Variants in DSCAM observed in about 807,000 individuals in gnomAD.
The protein encoded by DSCAM is cell adhesion molecule DSCAM.
Under a neutral mutation model 217.7 loss-of-function variants are expected in DSCAM, and 47 were observed. The observed-to-expected ratio is 0.22, with a 90% CI of 0.17 to 0.28. The LOEUF is 0.28. Among genes scored for constraint, DSCAM ranks in the 10% least tolerant of loss-of-function variants. The pLI, the probability that DSCAM is intolerant of heterozygous loss-of-function variation, is 1.00. For missense variants in DSCAM, 2,080 were observed against 2,618.3 expected, an observed-to-expected ratio of 0.79 and a Z score of 4.49; for synonymous variants, 1,056 against 1,015.3, an observed-to-expected ratio of 1.04 and a Z score of -0.76.
At chr21:40,235,666 ACTT>A (rs1357949835) in intron 11 of DSCAM, among the ~76,000 whole-genome samples, 1 of 151,932 alleles carries the variant, frequency 6.6e-6, no homozygotes, top group African/African-American at 2.4e-5. Flanking sequence ...CTGATTCGAC[ACTT>A]CTTCAACTGT....
chr21:40,799,807 T>C (rs1569042290), intron 1 of DSCAM, among the ~76,000 whole-genome samples: 1 of 152,220 alleles, frequency 6.6e-6, no homozygotes, highest in Non-Finnish European at 1.5e-5. Context: ...TCCAAAATAA[T>C]CTTCTAATCT....
At chr21:40,491,576 G>A (rs1343663441) in intron 3 of DSCAM, among the ~76,000 whole-genome samples, 1 of 152,022 alleles carries the variant, frequency 6.6e-6, no homozygotes, top group African/African-American at 2.4e-5. Context: ...TATTCCAAGG[G>A]CTGCAATACC....
chr21:40,549,355 A>G (rs1303920726), intron 3 of DSCAM, among the ~76,000 whole-genome samples: 2 of 152,158 alleles, frequency 1.3e-5, no homozygotes, highest in Non-Finnish European at 2.9e-5. Context: ...TTCATTCTGG[A>G]AAACTCCTGC....
intron 1 of DSCAM, among the ~76,000 whole-genome samples, chr21:40,746,599 T>C (rs540483881): frequency 2.0e-5 from 3 of 152,002 alleles, no homozygotes; most frequent in African/African-American, 7.2e-5. Flanking sequence ...GGTCTGTAGA[T>C]TGACTATAAT....
intron 3 of DSCAM, among the ~76,000 whole-genome samples, chr21:40,549,277 C>T (rs1401790546): frequency 1.3e-5 from 2 of 152,148 alleles, no homozygotes; most frequent in Non-Finnish European, 2.9e-5. Flanking sequence ...TAATTTGTAA[C>T]ATAAACAAGC....
intron 1 of DSCAM, among the ~76,000 whole-genome samples, chr21:40,762,210 C>T (rs919207706): frequency 6.6e-6 from 1 of 151,842 alleles, no homozygotes; most frequent in South Asian, 2.1e-4. Context: ...AGATAGACCA[C>T]TAGATAGACT....
At position 40,789,962 on chromosome 21, in the gene DSCAM, A is replaced by G. The variant is rs140463075; in HGVS notation, c.43+56657T>C. On this transcript the variant is annotated intron_variant, in intron 1 of 32. Coordinates refer to ENST00000400454, the MANE Select transcript of DSCAM (RefSeq NM_001389.5). ...TGGGAAGCTTGACCACACAAAGTCT[A>G]TATGGCTCTGATTGGTGGCTTTGCC... Among the ~76,000 whole-genome samples the G allele has an allele frequency of 3.3e-3, 506 of 152,238 alleles. 2 individuals carry two copies. Among genetic ancestry groups the G allele is most frequent in the Middle Eastern group, 0.014 (4 of 294 alleles).
chr21:40,548,241 T>G (rs2076599700), intron 3 of DSCAM, among the ~76,000 whole-genome samples: 1 of 152,234 alleles, frequency 6.6e-6, no homozygotes, highest in South Asian at 2.1e-4. Flanking sequence ...TATTACTATT[T>G]AAAGACCAGC....
At chr21:40,185,273 C>T (rs892533210) in intron 14 of DSCAM, among the ~76,000 whole-genome samples, 1 of 152,182 alleles carries the variant, frequency 6.6e-6, no homozygotes, top group African/African-American at 2.4e-5. Flanking sequence ...GGGAGGACTC[C>T]AGGCAGAGGG....
intron 3 of DSCAM, among the ~76,000 whole-genome samples, chr21:40,658,771 A>C (rs1020216690): frequency 1.2e-4 from 19 of 152,214 alleles, no homozygotes; most frequent in African/African-American, 4.6e-4. Flanking sequence ...TTTACCTAGA[A>C]AAATGAAAAT....
chr21:40,713,060 C>T (rs906798785), intron 1 of DSCAM, among the ~76,000 whole-genome samples: 14 of 152,278 alleles, frequency 9.2e-5, no homozygotes, highest in East Asian at 1.9e-4. Context: ...TCAATCTGTG[C>T]GTCTCAAGAA....
chr21:40,624,171 C>G (rs1016885955), intron 3 of DSCAM, among the ~76,000 whole-genome samples: 4 of 152,078 alleles, frequency 2.6e-5, no homozygotes, highest in African/African-American at 9.7e-5. Context: ...TCTCATTTTG[C>G]CCCTCAGCCT....
intron 6 of DSCAM, among the ~76,000 whole-genome samples, chr21:40,347,298 CAAA>C (rs796531226): frequency 1.3e-5 from 1 of 79,396 alleles, no homozygotes; most frequent in Non-Finnish European, 2.6e-5. Context: ...AACTCCATCT[CAAA>C]AAAAAAAAAA....
At chr21:40,347,026 A>T (rs781746796) in intron 6 of DSCAM, among the ~76,000 whole-genome samples, 12 of 152,064 alleles carry the variant, frequency 7.9e-5, no homozygotes, top group East Asian at 1.9e-4. Context: ...CACATAAAAA[A>T]GTTTCCCAAG....
chr21:40,195,620 T>C (rs9979293), intron 11 of DSCAM, among the ~76,000 whole-genome samples: 73,015 of 151,828 alleles, frequency 0.48, 18,327 homozygotes, highest in African/African-American at 0.62. Context: ...AGGAAGTCTG[T>C]ATCCTGGGAA....
At position 40,013,404 on chromosome 21, in the gene DSCAM, G is replaced by GTAGC. The variant is rs750356367; in HGVS notation, c.5687-19_5687-18insGCTA. The stretch of plus-strand genomic sequence containing the variant: ...GAGGTCACCTAGAAGGAAAGACAGG[G>GTAGC]TAGTTAGTTGGTGTCTTCATTTGGT... On this transcript the variant is annotated intron_variant, in intron 32 of 32. Coordinates refer to ENST00000400454, the MANE Select transcript of DSCAM (RefSeq NM_001389.5). 6.7e-7 allele frequency: 1 copy of GTAGC among 1,499,516 alleles called. No individual in the cohort carries two copies. The highest frequency in any genetic ancestry group is 8.9e-7 in the Non-Finnish European group (1 of 1,120,540). The allele number at this position is 1,499,516 out of a possible 1,614,324, so 92.9% of individuals were successfully genotyped here. A position where few individuals can be genotyped will look rare whatever the true frequency, so the allele number is the denominator to read the frequency against.
At chr21:40,190,293 A>T (rs1362742610) in intron 11 of DSCAM, among the ~76,000 whole-genome samples, 1 of 152,168 alleles carries the variant, frequency 6.6e-6, no homozygotes. Flanking sequence ...TGCATATGAC[A>T]AACACCTTTT....
At chr21:40,410,170 C>T (rs996072957) in intron 3 of DSCAM, among the ~76,000 whole-genome samples, 1 of 151,602 alleles carries the variant, frequency 6.6e-6, no homozygotes, top group Non-Finnish European at 1.5e-5. Flanking sequence ...AAAATTAAAC[C>T]CAAGTAAGAC....
chr21:40,301,188 T>C (rs1004837271), intron 9 of DSCAM, among the ~76,000 whole-genome samples: 1 of 152,204 alleles, frequency 6.6e-6, no homozygotes, highest in South Asian at 2.1e-4. Context: ...CCACGAACTG[T>C]CCCACTTGAA....
Sources: gnomAD v4.1 joint callset for allele counts (sites outside exome capture counted in the v4.1 genomes callset) on GRCh38, gnomAD v4.1.1 for gene constraint, MANE v1.5 for transcripts, NCBI Gene and HGNC (gene_info 2026-07-23, HGNC 2026-07-21) for gene names.